The following MUC12 variants were observed in gnomAD, a reference collection of about 807,000 sequenced individuals.
MUC12 encodes mucin 12, cell surface associated.
Under a neutral mutation model 230.8 loss-of-function variants are expected in MUC12, and 172 were observed. The observed-to-expected ratio is 0.75, with a 90% confidence interval of 0.66 to 0.85. MUC12 has a LOEUF of 0.85. Ranked by LOEUF, MUC12 falls within the 40% of genes least tolerant of loss-of-function variation. MUC12 has a pLI of 0.00. For missense variants in MUC12, 3,506 were observed against 5,920.6 expected (o/e 0.59, Z 13.38); for synonymous variants, 1,259 against 2,401.9 (o/e 0.52, Z 13.91).
intron 1 of MUC12, among the ~76,000 whole-genome samples, chr7:100,980,647 G>C (rs985076862): frequency 4.6e-5 from 7 of 152,198 alleles, no homozygotes; most frequent in African/African-American, 1.7e-4. Flanking sequence ...TCAGCAGCTG[G>C]GTGTGGTGGC....
At position 101,004,839 on chromosome 7, in the gene MUC12, G is replaced by A; in HGVS notation, c.14276G>A (p.Ser4759Asn). 6.5e-7 allele frequency: 1 copy of A among 1,536,896 alleles called. No homozygotes were observed. The highest frequency in any genetic ancestry group is 8.7e-7 in the Non-Finnish European group (1 of 1,146,464). Residue 4759 changes from serine to asparagine, a missense_variant, in exon 2 of 12, where the codon AGC (serine) becomes AAC (asparagine). Physicochemically the swap from Ser to Asn is conservative, Grantham distance 46 (BLOSUM62 1). Transcript: ENST00000536621. ...ACACTCTCACCTGCCAGCATGACAA[G>A]CTCCAGCATCAGTGGAGAACCCACC... ...DQTLSPASMT[S>N]SSISGEPTSL...
rs1224257441 is a variant in MUC12, at chr7:100,991,642, C to G, written c.1079C>G (p.Ala360Gly). Residue 360 changes from alanine to glycine, a missense_variant, in exon 2 of 12, where the codon GCC becomes GGC. Coordinates refer to ENST00000536621, the MANE Select transcript of MUC12 (RefSeq NM_001164462.2). ...TCAGGCCATGTTGAAGAATCTACAG[C>G]CTACCACAGGAGCCCGGGCTCAACT... ...ATSGHVEEST[A>G]YHRSPGSTQT... is the part of the protein sequence containing the mutation. 5 of 1,537,072 alleles carry G rather than the reference C, an allele frequency of 3.3e-6. No individual in the cohort carries two copies. In the Admixed American group the frequency reaches 5.9e-5, roughly 18 times the overall value.
intron 9 of MUC12, 123 bp downstream of exon 9, chr7:101,014,197 C>G: frequency 2.5e-6 from 3 of 1,207,560 alleles, no homozygotes; most frequent in Non-Finnish European, 3.3e-6. Flanking sequence ...CAGCTGAGGC[C>G]AGATGGGGTG....
In MUC12 at chr7:100,991,458, G is replaced by C. The variant is rs548382145; in HGVS notation, c.895G>C (p.Val299Leu). 100 of 1,537,768 alleles carry C rather than the reference G, an allele frequency of 6.5e-5. 1 individual carries two copies. The South Asian group carries it at 1.0e-3, about 16-fold the overall frequency. ...ACCTTCTGGTACCACATCAGCCTTT[G>C]TTAAACTATCTACAACTTATCACAG... ...PAPSGTTSAFVKLSTTYHSSP... is the reference protein window; with the variant it reads ...PAPSGTTSAFLKLSTTYHSSP... The change falls in exon 2 of 12, where the codon GTT becomes CTT. Residue 299 changes from valine to leucine, a missense_variant. Physicochemically the swap from Val to Leu is conservative, Grantham distance 32. Transcript: ENST00000536621.
rs762839075 is a variant in MUC12 at position 100,991,609 on chromosome 7, C to A, written c.1046C>A (p.Ser349Tyr). 1 of 1,537,008 alleles carries A rather than the reference C, an allele frequency of 6.5e-7. No individual in the cohort carries two copies. Among genetic ancestry groups the A allele is most frequent in the South Asian group, 1.2e-5 (1 of 84,022 alleles). ...GCAACAACACCCCCACCTGCCCGCT[C>A]CGCGACCTCAGGCCATGTTGAAGAA... ...ATATTPPPAR[S>Y]ATSGHVEEST... Residue 349 changes from serine (S) to tyrosine (Y), a missense_variant, in exon 2 of 12, where the codon TCC (serine) becomes TAC (tyrosine). Transcript: ENST00000536621.
intron 1 of MUC12, among the ~76,000 whole-genome samples, chr7:100,986,768 G>C (rs901728634): frequency 1.3e-5 from 2 of 152,138 alleles, no homozygotes; most frequent in Non-Finnish European, 1.5e-5. Flanking sequence ...GAAAAATGCA[G>C]CTCCTGGCAT....
chr7:101,012,302 T>C lies in MUC12; in HGVS notation c.15258T>C (p.Gly5086=). 1 of 1,537,070 alleles carries C rather than the reference T, an allele frequency of 6.5e-7. No individual in the cohort carries two copies. The highest frequency in any genetic ancestry group is 8.7e-7 in the Non-Finnish European group (1 of 1,146,866). The part of the protein sequence containing the change: ...RGVNIRRLLN[G]SIVVKNDVIL... ...AAACGATTCCCACTTCCAGCAACGG[T>C]AGCATCGTGGTCAAGAACGATGTCA... The change falls in exon 6 of 12, where the codon GGT becomes GGC. Residue 5086 remains glycine, a synonymous_variant. Transcript: ENST00000536621.
intron 1 of MUC12, 129 bp from the exon 2 acceptor site, chr7:100,990,502 A>T: frequency 8.7e-7 from 1 of 1,152,250 alleles, no homozygotes; most frequent in Non-Finnish European, 1.2e-6. Flanking sequence ...CCCAAAAGGG[A>T]AACTTGAGTT....
Position 101,012,966 on chromosome 7 carries a change from C to A in MUC12, c.15476-14C>A, listed in dbSNP as rs760221184. The A allele has an allele frequency of 6.5e-7, 1 of 1,537,238 alleles. No individual in the cohort carries two copies. Among genetic ancestry groups the A allele is most frequent in the East Asian group, 2.4e-5 (1 of 40,912 alleles). ...TGGCCAGGCTCATGCATGCTGCCCG[C>A]CCCTCTCCCTCAGAGCAATGCACCC... On this transcript the variant is annotated splice_polypyrimidine_tract_variant and intron_variant, in intron 7 of 11. Transcript: ENST00000536621.
At chr7:100,981,614 C>G in intron 1 of MUC12, 1 of 424,884 alleles carries the variant, frequency 2.4e-6, no homozygotes, top group Non-Finnish European at 4.2e-6. Flanking sequence ...GTGTGACCTG[C>G]GAGGGCAACT....
Position 100,991,501 on chromosome 7 carries a change from C to A in MUC12, c.938C>A (p.Pro313Gln). The change falls in exon 2 of 12, where the codon CCA becomes CAA. Residue 313 changes from proline (P) to glutamine (Q), a missense_variant. Pro to Gln is a moderately conservative substitution (Grantham distance 76). Transcript: ENST00000536621. ...TTYHSSPSST[P>Q]TTHFSASSTT... ...TATCACAGCAGCCCGAGCTCAACTC[C>A]AACAACCCACTTTTCTGCCAGCTCC... The A allele has an allele frequency of 6.5e-7, 1 of 1,537,302 alleles. No individual in the cohort carries two copies. The highest frequency in any genetic ancestry group is 8.7e-7 in the Non-Finnish European group (1 of 1,146,702).
At chr7:101,009,764 G>A (rs182289714) in intron 5 of MUC12, among the ~76,000 whole-genome samples, 2 of 152,340 alleles carry the variant, frequency 1.3e-5, no homozygotes, top group African/African-American at 4.8e-5. Flanking sequence ...AGTTGCAGCA[G>A]AGGGAATCGA....
chr7:101,018,650 TC>T lies in MUC12; in HGVS notation c.*17del. Reference sequence around the variant, plus strand: ...TCCACTGTGTGAGCCAACGGGGGCCTCCCACCCTCATCTAGCTCTGTTCAGG... The same window carrying T: ...TCCACTGTGTGAGCCAACGGGGGCCTCCACCCTCATCTAGCTCTGTTCAGG... On this transcript the variant is annotated 3_prime_UTR_variant, in exon 12 of 12. Coordinates refer to ENST00000536621, the MANE Select transcript of MUC12 (RefSeq NM_001164462.2). 3.9e-6 allele frequency: 6 copies of T among 1,534,866 alleles called. No individual in the cohort carries two copies. The highest frequency in any genetic ancestry group is 5.2e-6 in the Non-Finnish European group (6 of 1,145,528).
intron 5 of MUC12, 128 bp from the exon 6 acceptor site, chr7:101,012,168 A>G (rs904472203): frequency 3.1e-6 from 3 of 968,902 alleles, no homozygotes; most frequent in Non-Finnish European, 4.5e-6. Flanking sequence ...TGGAGGGAAG[A>G]CTCTGTATTC....
At chr7:100,988,553 G>T (rs1229332328) in intron 1 of MUC12, among the ~76,000 whole-genome samples, 1 of 152,168 alleles carries the variant, frequency 6.6e-6, no homozygotes, top group Non-Finnish European at 1.5e-5. Context: ...TGCAGGAAAG[G>T]CCTAATAGAG....
intron 4 of MUC12, 81 bp downstream of exon 4, chr7:101,008,842 T>C: frequency 6.9e-7 from 1 of 1,451,060 alleles, no homozygotes; most frequent in South Asian, 1.4e-5. Context: ...AACTTAGTGA[T>C]CTGAGTTCTT....
At chr7:100,971,897 A>G (rs1792907846) in intron 1 of MUC12, among the ~76,000 whole-genome samples, 2 of 152,312 alleles carry the variant, frequency 1.3e-5, no homozygotes, top group Non-Finnish European at 2.9e-5. Context: ...CGTGTGTTAG[A>G]GACGGCCCCC....
intron 1 of MUC12, among the ~76,000 whole-genome samples, chr7:100,976,680 T>C (rs1793037368): frequency 6.6e-6 from 1 of 152,104 alleles, no homozygotes; most frequent in African/African-American, 2.4e-5. Flanking sequence ...CATTTAACTT[T>C]TACAACATTC....
Position 101,004,979 on chromosome 7 carries a change from A to G in MUC12, c.14416A>G (p.Thr4806Ala). 2 of 1,537,714 alleles carry G rather than the reference A, an allele frequency of 1.3e-6. No homozygotes were observed. Among genetic ancestry groups the G allele is most frequent in the South Asian group, 1.2e-5 (1 of 84,060 alleles). ...TFHSKPGSTETTLSPGSITTS... is the reference protein window; with the variant it reads ...TFHSKPGSTEATLSPGSITTS... ...CCACAGTAAGCCAGGCTCAACTGAG[A>G]CAACACTGTCCCCTGGCAGCATCAC... The change falls in exon 2 of 12, where the codon ACA becomes GCA. Residue 4806 changes from threonine to alanine, a missense_variant. Thr to Ala is a moderately conservative substitution (Grantham distance 58). Transcript: ENST00000536621.
Sources: gnomAD v4.1 joint callset for allele counts (sites outside exome capture counted in the v4.1 genomes callset) on GRCh38, gnomAD v4.1.1 for gene constraint, MANE v1.5 for transcripts, NCBI Gene and HGNC (gene_info 2026-07-23, HGNC 2026-07-21) for gene names.